EPHA6: variants seen among roughly 807,000 people sequenced by gnomAD.
EPHA6 encodes EPH receptor A6.
EPHA6 carries 50 observed loss-of-function variants against 112.0 expected under a neutral mutation model. That is an observed-to-expected ratio of 0.45 (90% confidence interval 0.36 to 0.56). EPHA6 has a LOEUF of 0.56. Ranked by LOEUF, EPHA6 falls within the 20% of genes least tolerant of loss-of-function variation. The probability of loss-of-function intolerance (pLI) is 0.00; values close to 1 mark genes in which losing one functional copy is unlikely to be tolerated. For missense variants in EPHA6, 1,280 were observed against 1,417.4 expected, an observed-to-expected ratio of 0.90 and a Z score of 1.56; for synonymous variants, 529 against 490.7, an observed-to-expected ratio of 1.08 and a Z score of -1.03.
intron 3 of EPHA6, among the ~76,000 whole-genome samples, chr3:97,053,133 G>T (rs1469229361): frequency 6.6e-6 from 1 of 152,050 alleles, no homozygotes; most frequent in Non-Finnish European, 1.5e-5. Context: ...AAGTAATGAA[G>T]GTATGAATGA....
intron 14 of EPHA6, among the ~76,000 whole-genome samples, chr3:97,677,550 G>A (rs2031498863): frequency 6.6e-6 from 1 of 151,552 alleles, no homozygotes; most frequent in South Asian, 2.1e-4. Flanking sequence ...GCGAAACCTT[G>A]TCTCTACTAA....
At chr3:97,176,694 G>A (rs796656659) in intron 3 of EPHA6, among the ~76,000 whole-genome samples, 23 of 151,912 alleles carry the variant, frequency 1.5e-4, no homozygotes, top group African/African-American at 5.1e-4. Context: ...GTTGCTCATA[G>A]TAGCCACTAA....
intron 10 of EPHA6, among the ~76,000 whole-genome samples, chr3:97,507,858 G>C (rs967306829): frequency 6.6e-6 from 1 of 152,084 alleles, no homozygotes; most frequent in African/African-American, 2.4e-5. Flanking sequence ...GATCTATTCA[G>C]GGATTCGACT....
chr3:96,880,692 C>A (rs1315174241), intron 2 of EPHA6, among the ~76,000 whole-genome samples: 1 of 152,020 alleles, frequency 6.6e-6, no homozygotes, highest in African/African-American at 2.4e-5. Flanking sequence ...CATTCTTCCT[C>A]CCCCCACCTC....
chr3:96,982,654 G>T (rs1029819211), intron 2 of EPHA6, among the ~76,000 whole-genome samples: 41 of 152,130 alleles, frequency 2.7e-4, no homozygotes, highest in African/African-American at 9.9e-4. Flanking sequence ...TGACAGTGGG[G>T]TGTTAAAGTC....
Position 97,401,993 on chromosome 3 carries a change from T to C in EPHA6, c.1607-3157T>C, listed in dbSNP as rs188510886. Among the ~76,000 whole-genome samples the C allele has an allele frequency of 9.2e-5, 14 of 152,160 alleles. No homozygotes were observed. In the East Asian group the frequency reaches 2.5e-3, roughly 27 times the overall value. The stretch of plus-strand genomic sequence containing the variant: ...TGAGGTTCATCTTACTGATTTCTAA[T>C]TTTATTCTATTGTGATCGGAAAAGA... On this transcript the variant is annotated intron_variant, in intron 5 of 17. Transcript: ENST00000389672.
At chr3:97,419,765 A>G (rs1395314768) in intron 6 of EPHA6, among the ~76,000 whole-genome samples, 1 of 152,120 alleles carries the variant, frequency 6.6e-6, no homozygotes, top group African/African-American at 2.4e-5. Flanking sequence ...AAATCAACAA[A>G]ACCAAAAATT....
intron 5 of EPHA6, among the ~76,000 whole-genome samples, chr3:97,266,706 C>A (rs898687561): frequency 6.7e-6 from 1 of 149,268 alleles, no homozygotes; most frequent in Non-Finnish European, 1.5e-5. Flanking sequence ...AAGATGGAAC[C>A]TTATCCATAT....
At chr3:97,289,073 G>A (rs1263258069) in intron 5 of EPHA6, among the ~76,000 whole-genome samples, 4 of 151,814 alleles carry the variant, frequency 2.6e-5, no homozygotes, top group Admixed American at 6.6e-5. Flanking sequence ...CTCTGCAGAC[G>A]CTCATTAGTT....
At chr3:97,320,987 A>T (rs1279272850) in intron 5 of EPHA6, among the ~76,000 whole-genome samples, 1 of 151,904 alleles carries the variant, frequency 6.6e-6, no homozygotes, top group African/African-American at 2.4e-5. Flanking sequence ...ACATTATGAA[A>T]CTATTGACCT....
intron 2 of EPHA6, among the ~76,000 whole-genome samples, chr3:96,965,509 T>C (rs955690719): frequency 7.2e-5 from 11 of 152,124 alleles, no homozygotes; most frequent in African/African-American, 2.4e-4. Flanking sequence ...TTTTAAAAAA[T>C]TGGAGAAGCT....
At chr3:97,243,174 C>T (rs957149367) in intron 4 of EPHA6, among the ~76,000 whole-genome samples, 3 of 151,798 alleles carry the variant, frequency 2.0e-5, no homozygotes, top group African/African-American at 2.4e-5. Flanking sequence ...TTTTCGAGGT[C>T]TTTATGACAA....
At chr3:97,620,681 G>A (rs1312964766) in intron 13 of EPHA6, among the ~76,000 whole-genome samples, 5 of 151,780 alleles carry the variant, frequency 3.3e-5, no homozygotes, top group Non-Finnish European at 5.9e-5. Flanking sequence ...ATCACTGATC[G>A]TTAGAGAAAT....
At chr3:97,304,498 T>C (rs1434077970) in intron 5 of EPHA6, among the ~76,000 whole-genome samples, 1 of 150,136 alleles carries the variant, frequency 6.7e-6, no homozygotes, top group African/African-American at 2.4e-5. Flanking sequence ...CAAACTATAC[T>C]ACAAGGCTAC....
chr3:97,636,809 A>C (rs2093949243), intron 13 of EPHA6, among the ~76,000 whole-genome samples: 1 of 152,124 alleles, frequency 6.6e-6, no homozygotes. Context: ...TGTATAACAT[A>C]AAGTAATATA....
intron 14 of EPHA6, among the ~76,000 whole-genome samples, chr3:97,716,458 C>T (rs1175682716): frequency 1.4e-5 from 2 of 140,508 alleles, no homozygotes; most frequent in Non-Finnish European, 3.0e-5. Flanking sequence ...GTCCCAGCTA[C>T]TCGGGAGGCT....
intron 5 of EPHA6, among the ~76,000 whole-genome samples, chr3:97,303,118 CT>C (rs2081164348): frequency 6.6e-6 from 1 of 151,764 alleles, no homozygotes; most frequent in Non-Finnish European, 1.5e-5. Flanking sequence ...TTAGACAACT[CT>C]AAAAAGTAGA....
At chr3:97,137,860 T>A (rs1240797216) in intron 3 of EPHA6, among the ~76,000 whole-genome samples, 1 of 151,970 alleles carries the variant, frequency 6.6e-6, no homozygotes, top group Admixed American at 6.6e-5. Context: ...TAAAAATAAA[T>A]AAATGTAATT....
intron 3 of EPHA6, among the ~76,000 whole-genome samples, chr3:97,128,360 G>A (rs760837284): frequency 3.3e-5 from 5 of 152,126 alleles, no homozygotes; most frequent in Non-Finnish European, 7.4e-5. Flanking sequence ...TTTCCTTTGG[G>A]TAGGTACCAG....
Sources: gnomAD v4.1 joint callset for allele counts (sites outside exome capture counted in the v4.1 genomes callset) on GRCh38, gnomAD v4.1.1 for gene constraint, MANE v1.5 for transcripts, NCBI Gene and HGNC (gene_info 2026-07-23, HGNC 2026-07-21) for gene names.